KLF7: variants seen among roughly 807,000 people sequenced by gnomAD.
The protein encoded by KLF7 is KLF transcription factor 7.
In KLF7, 2 loss-of-function variants were observed where a neutral mutation model predicts 27.3. That is an observed-to-expected ratio of 0.07 (90% CI 0.03 to 0.23). The LOEUF (loss-of-function observed/expected upper bound fraction) is 0.23, where lower values mean the gene tolerates loss of function less well. KLF7 is among the 10% of genes least tolerant of loss of function. The probability of loss-of-function intolerance (pLI) is 1.00; values close to 1 mark genes in which losing one functional copy is unlikely to be tolerated. For synonymous variants in KLF7, 165 were observed against 162.4 expected (o/e 1.02, Z -0.12); for missense variants, 221 against 394.1 (o/e 0.56, Z 3.72).
chr2:207,125,576 G>GT (rs2077456788), intron 1 of KLF7, among the ~76,000 whole-genome samples: 2 of 152,178 alleles, frequency 1.3e-5, no homozygotes, highest in Non-Finnish European at 2.9e-5. Flanking sequence ...GATATACCTA[G>GT]TAGTGTTGTA....
At chr2:207,100,294 A>G (rs1559120440) in intron 2 of KLF7, among the ~76,000 whole-genome samples, 1 of 152,214 alleles carries the variant, frequency 6.6e-6, no homozygotes. Context: ...AAACATCAAT[A>G]TGTCTACATA....
In KLF7 at chr2:207,098,382, G is replaced by A. The variant is rs565040810; in HGVS notation, c.734-9801C>T. Among the ~76,000 whole-genome samples, 24 of 152,188 alleles carry A rather than the reference G, an allele frequency of 1.6e-4. No individual in the cohort carries two copies. In the East Asian group the frequency reaches 1.7e-3, roughly 11 times the overall value. On this transcript the variant is annotated intron_variant, in intron 2 of 3. Transcript: ENST00000309446. ...CCTTTCAAGATGACAACTACACCAA[G>A]TGAATCTGTTTGAAACTCATTTGTA...
intron 2 of KLF7, among the ~76,000 whole-genome samples, chr2:207,092,798 T>C (rs1056554299): frequency 2.0e-5 from 3 of 152,218 alleles, no homozygotes; most frequent in African/African-American, 7.2e-5. Flanking sequence ...TCATGAACCA[T>C]ACAGATGTAC....
At chr2:207,163,072 C>T (rs1476457466) in intron 1 of KLF7, among the ~76,000 whole-genome samples, 2 of 152,110 alleles carry the variant, frequency 1.3e-5, no homozygotes, top group Non-Finnish European at 2.9e-5. Context: ...AGCAGCAAGA[C>T]GGTTTTGGGA....
At chr2:207,143,448 T>C (rs1053789936) in intron 1 of KLF7, among the ~76,000 whole-genome samples, 1 of 151,834 alleles carries the variant, frequency 6.6e-6, no homozygotes, top group African/African-American at 2.4e-5. Flanking sequence ...AAACTGTTTC[T>C]ATTTAAAACC....
chr2:207,165,407 C>A, intron 1 of KLF7, 60 bp downstream of exon 1: 5 of 1,611,832 alleles, frequency 3.1e-6, no homozygotes, highest in East Asian at 2.2e-5. Flanking sequence ...CCCACACCAA[C>A]GCAGCCCCTG....
At chr2:207,102,276 A>C (rs1478364002) in intron 2 of KLF7, among the ~76,000 whole-genome samples, 1 of 151,938 alleles carries the variant, frequency 6.6e-6, no homozygotes, top group Admixed American at 6.6e-5. Context: ...AACAGCCTTA[A>C]TTTTTGTCTG....
In KLF7 at chr2:207,080,634, T is replaced by C. The variant is rs773837364; in HGVS notation, c.*579A>G. 1.2e-4 allele frequency: 47 copies of C among 391,406 alleles called. No individual in the cohort carries two copies. The highest frequency in any genetic ancestry group is 6.4e-4 in the African/African-American group (31 of 48,576). The allele number at this position is 391,406 out of a possible 1,614,324, so 24.2% of individuals were successfully genotyped here. A position where few individuals can be genotyped will look rare whatever the true frequency, so the allele number is the denominator to read the frequency against. On this transcript the variant is annotated 3_prime_UTR_variant, in exon 4 of 4. Coordinates refer to ENST00000309446, the MANE Select transcript of KLF7 (RefSeq NM_003709.4). ...TGAGGAAGTCTGACGCACGGAATAG[T>C]AGGACTTTTCACACACAAAGGACAA...
intron 2 of KLF7, among the ~76,000 whole-genome samples, chr2:207,089,235 T>G (rs1195799695): frequency 1.3e-5 from 2 of 152,254 alleles, no homozygotes; most frequent in African/African-American, 4.8e-5. Context: ...AAGTCTGAGT[T>G]AGGAAGCTCA....
At chr2:207,108,045 A>G (rs891802048) in intron 2 of KLF7, among the ~76,000 whole-genome samples, 2 of 152,244 alleles carry the variant, frequency 1.3e-5, no homozygotes, top group Admixed American at 6.5e-5. Flanking sequence ...TGATCCCACA[A>G]GCTTTGTACC....
chr2:207,109,936 C>G (rs2105933148), intron 2 of KLF7: 1 of 154,936 alleles, frequency 6.5e-6, no homozygotes, highest in Non-Finnish European at 1.5e-5. Flanking sequence ...GTAAAAGCCA[C>G]AGATGTCACG....
chr2:207,084,172 C>T (rs763852142), intron 3 of KLF7, among the ~76,000 whole-genome samples: 7 of 152,112 alleles, frequency 4.6e-5, no homozygotes, highest in Non-Finnish European at 7.4e-5. Context: ...GAAGCAACAA[C>T]GCAGACACCC....
intron 2 of KLF7, among the ~76,000 whole-genome samples, chr2:207,115,904 G>T (rs1331334948): frequency 1.3e-5 from 2 of 152,236 alleles, no homozygotes; most frequent in Non-Finnish European, 2.9e-5. Context: ...AGTCTACAGT[G>T]TATTGCTACC....
intron 1 of KLF7, among the ~76,000 whole-genome samples, chr2:207,138,759 CG>C (rs2077857409): frequency 2.0e-5 from 3 of 152,124 alleles, no homozygotes; most frequent in African/African-American, 7.2e-5. Flanking sequence ...AACCACATAC[CG>C]GAACACTGCT....
the KLF7 span, among the ~76,000 whole-genome samples, chr2:207,173,253 G>C: frequency 6.6e-6 from 1 of 152,098 alleles, no homozygotes; most frequent in African/African-American, 2.4e-5. Flanking sequence ...ACGTCTCTCT[G>C]TCTTCATTCT....
chr2:207,120,661 A>AT (rs1320542391), intron 2 of KLF7, among the ~76,000 whole-genome samples: 1 of 152,148 alleles, frequency 6.6e-6, no homozygotes, highest in Non-Finnish European at 1.5e-5. Context: ...ACCAGCGCCC[A>AT]TTTTTAAAAA....
At chr2:207,117,257 A>G (rs2077211731) in intron 2 of KLF7, among the ~76,000 whole-genome samples, 1 of 152,194 alleles carries the variant, frequency 6.6e-6, no homozygotes, top group Non-Finnish European at 1.5e-5. Flanking sequence ...TATCTTCATA[A>G]ATGTTAGGAG....
intron 1 of KLF7, among the ~76,000 whole-genome samples, chr2:207,145,655 T>A (rs952207676): frequency 1.3e-5 from 2 of 152,228 alleles, no homozygotes; most frequent in Non-Finnish European, 2.9e-5. Context: ...ACTGTGAATG[T>A]CACTAAGGAG....
At chr2:207,142,881 C>T (rs889149483) in intron 1 of KLF7, among the ~76,000 whole-genome samples, 3 of 152,154 alleles carry the variant, frequency 2.0e-5, no homozygotes, top group Non-Finnish European at 2.9e-5. Context: ...TGGTGGTTTG[C>T]TCTGGGTTAA....
Sources: gnomAD v4.1 joint callset for allele counts (sites outside exome capture counted in the v4.1 genomes callset) on GRCh38, gnomAD v4.1.1 for gene constraint, MANE v1.5 for transcripts, NCBI Gene and HGNC (gene_info 2026-07-23, HGNC 2026-07-21) for gene names.